NDRG1: variants seen among roughly 807,000 people sequenced by gnomAD.
NDRG1 encodes protein NDRG1.
Under a neutral mutation model 56.9 loss-of-function variants are expected in NDRG1, and 32 were observed. The observed-to-expected ratio is 0.56, with a 90% CI of 0.42 to 0.76. NDRG1 has a LOEUF of 0.76. Among genes scored for constraint, NDRG1 ranks in the 30% least tolerant of loss-of-function variants. The pLI is 0.00. For missense variants in NDRG1, 507 were observed against 545.7 expected, an observed-to-expected ratio of 0.93 and a Z score of 0.71; for synonymous variants, 211 against 204.1, an observed-to-expected ratio of 1.03 and a Z score of -0.29.
At chr8:133,254,872 G>C in intron 8 of NDRG1, 1 of 473,060 alleles carries the variant, frequency 2.1e-6, no homozygotes, top group Non-Finnish European at 3.9e-6. Context: ...TAAAGACCCA[G>C]CTACTGCTAG....
intron 8 of NDRG1, 114 bp downstream of exon 8, chr8:133,256,663 G>C: frequency 1.1e-6 from 1 of 951,706 alleles, no homozygotes; most frequent in East Asian, 2.6e-5. Flanking sequence ...AGAGGGTAGT[G>C]GAGGAGTGGG....
At chr8:133,280,107 G>A (rs1857699367) in intron 3 of NDRG1, 125 bp downstream of exon 3, 1 of 1,165,266 alleles carries the variant, frequency 8.6e-7, no homozygotes, top group Non-Finnish European at 1.3e-6. Flanking sequence ...ACCTAGCTGA[G>A]ACCACTGCCT....
intron 4 of NDRG1, among the ~76,000 whole-genome samples, chr8:133,263,082 G>A (rs2130738853): frequency 6.6e-6 from 1 of 152,322 alleles, no homozygotes. Flanking sequence ...AACCAACAAT[G>A]AGCCTCTCCG....
chr8:133,251,308 G>T (rs1164762917), intron 9 of NDRG1, among the ~76,000 whole-genome samples: 1 of 152,254 alleles, frequency 6.6e-6, no homozygotes, highest in Non-Finnish European at 1.5e-5. Context: ...CAGATGAGAA[G>T]TTGGAGTTGG....
At chr8:133,243,812 G>C (rs1564280175) in intron 14 of NDRG1, among the ~76,000 whole-genome samples, 1 of 152,206 alleles carries the variant, frequency 6.6e-6, no homozygotes, top group Non-Finnish European at 1.5e-5. Context: ...TACTTGTTAG[G>C]TTGGTGAGAT....
In NDRG1 at chr8:133,239,520, G is replaced by A. The variant is rs1365295512; in HGVS notation, c.944-401C>T. ...TGACCCCATGCTGTCCATGATCACT[G>A]GAGCAGGGAGGACACCTGGGGTCAG... is the stretch of plus-strand genomic sequence containing the variant. On this transcript the variant is annotated intron_variant, in intron 15 of 15. Coordinates refer to ENST00000323851, the MANE Select transcript of NDRG1 (RefSeq NM_006096.4). The A allele has an allele frequency of 1.2e-4, 35 of 290,848 alleles. No homozygotes were observed. In the Admixed American group the frequency reaches 1.5e-3, roughly 13 times the overall value. 18.0% of individuals were successfully genotyped at this position (290,848 alleles called of 1,614,324 possible). A position where few individuals can be genotyped will look rare whatever the true frequency, so the allele number is the denominator to read the frequency against.
At chr8:133,257,352 A>C (rs572410732) in intron 7 of NDRG1, among the ~76,000 whole-genome samples, 1 of 152,194 alleles carries the variant, frequency 6.6e-6, no homozygotes, top group South Asian at 2.1e-4. Flanking sequence ...GCTGAATAAC[A>C]GGGATACTTT....
chr8:133,279,651 G>A (rs1857668145), intron 3 of NDRG1, among the ~76,000 whole-genome samples: 3 of 152,128 alleles, frequency 2.0e-5, no homozygotes, highest in Admixed American at 2.0e-4. Context: ...GCACAGCATG[G>A]GACCCACCCC....
chr8:133,256,786 G>A lies in NDRG1; in HGVS notation c.528C>T (p.Ala176=), dbSNP rs191237702. The A allele has an allele frequency of 1.0e-4, 165 of 1,614,112 alleles. 1 individual carries two copies. Among genetic ancestry groups the A allele is most frequent in the African/African-American group, 3.9e-4 (29 of 75,048 alleles). The part of the protein sequence containing the change: ...NPCAEGWMDW[A]ASKISGWTQA... ...CAGGCCCCCACCTCACCTTGGAGGC[G>A]GCCCAGTCCATCCAGCCTTCCGCAC... The change falls in exon 8 of 16, where the codon GCC becomes GCT. Residue 176 remains alanine, a synonymous_variant. Coordinates refer to ENST00000323851, the MANE Select transcript of NDRG1 (RefSeq NM_006096.4).
intron 1 of NDRG1, 145 bp from the exon 2 acceptor site, chr8:133,284,474 G>A (rs1677090097): frequency 1.4e-6 from 1 of 717,496 alleles, no homozygotes; most frequent in Admixed American, 2.1e-5. Flanking sequence ...CAGGGGATGA[G>A]GAGGTCCCTT....
chr8:133,287,629 G>A (rs2930004), intron 1 of NDRG1, among the ~76,000 whole-genome samples: 79,894 of 152,028 alleles, frequency 0.53, 22,537 homozygotes, highest in African/African-American at 0.75. Flanking sequence ...CCAGGACAGC[G>A]TCTGTGCCTC....
At chr8:133,252,100 T>C (rs977405586) in intron 9 of NDRG1, among the ~76,000 whole-genome samples, 6 of 152,160 alleles carry the variant, frequency 3.9e-5, no homozygotes, top group African/African-American at 1.4e-4. Context: ...TGTTTTCCTT[T>C]TTCTCTGTTT....
At chr8:133,273,639 C>T (rs1422562447) in intron 3 of NDRG1, among the ~76,000 whole-genome samples, 1 of 152,178 alleles carries the variant, frequency 6.6e-6, no homozygotes, top group Admixed American at 6.5e-5. Flanking sequence ...TTTTCGGAAG[C>T]AGATGGATCT....
chr8:133,265,004 C>T (rs1267523744), intron 3 of NDRG1: 5 of 360,576 alleles, frequency 1.4e-5, no homozygotes, highest in Non-Finnish European at 2.7e-5. Context: ...CCCTCAGGCC[C>T]CACTGGCCCC....
chr8:133,287,966 C>G (rs1858216588), intron 1 of NDRG1, among the ~76,000 whole-genome samples: 2 of 152,210 alleles, frequency 1.3e-5, no homozygotes, highest in South Asian at 4.1e-4. Context: ...CACACACACT[C>G]TCAAATGCAC....
At chr8:133,261,246 T>C (rs959032735) in intron 5 of NDRG1, among the ~76,000 whole-genome samples, 7 of 152,092 alleles carry the variant, frequency 4.6e-5, no homozygotes, top group African/African-American at 1.7e-4. Flanking sequence ...GCAGGGATTA[T>C]AGCCACCCGC....
In NDRG1 at chr8:133,250,503, C is replaced by T. The variant is rs931069567; in HGVS notation, c.635G>A (p.Arg212His). The change falls in exon 10 of 16, where the codon CGC becomes CAC. Residue 212 changes from arginine (R) to histidine (H), a missense_variant. By Grantham distance (29) the Arg-to-His change is conservative (BLOSUM62 0). Transcript: ENST00000323851. The part of the protein sequence containing the change: ...QSNVEVVHTY[R>H]QHIVNDMNPG... The stretch of plus-strand genomic sequence containing the variant: ...GTTCATGTCATTCACAATGTGCTGG[C>T]GGTAGGTGTGGACCACTTCCACGTT... 8.7e-6 allele frequency: 14 copies of T among 1,613,908 alleles called. No homozygotes were observed. Among genetic ancestry groups the T allele is most frequent in the South Asian group, 2.2e-5 (2 of 91,070 alleles).
At chr8:133,262,350 C>T in intron 4 of NDRG1, 183 bp from the exon 5 acceptor site, 1 of 678,148 alleles carries the variant, frequency 1.5e-6, no homozygotes, top group East Asian at 2.8e-5. Flanking sequence ...CTTTCCTCTG[C>T]TGATAAAAAG....
At chr8:133,253,400 T>A (rs1163295137) in intron 9 of NDRG1, among the ~76,000 whole-genome samples, 2 of 152,216 alleles carry the variant, frequency 1.3e-5, no homozygotes, top group Admixed American at 1.3e-4. Flanking sequence ...TGAGACCCTA[T>A]GCAAGTCACT....
Sources: gnomAD v4.1 joint callset for allele counts (sites outside exome capture counted in the v4.1 genomes callset) on GRCh38, gnomAD v4.1.1 for gene constraint, MANE v1.5 for transcripts, NCBI Gene and HGNC (gene_info 2026-07-23, HGNC 2026-07-21) for gene names.